Variants in DGKB observed in about 807,000 individuals in gnomAD.
The protein encoded by DGKB is diacylglycerol kinase beta.
Under a neutral mutation model 114.3 loss-of-function variants are expected in DGKB, and 67 were observed. The ratio of observed to expected loss-of-function variants is 0.59; its 90% confidence interval spans 0.48 to 0.72. The LOEUF is 0.72. Among genes scored for constraint, DGKB ranks in the 30% least tolerant of loss-of-function variants. The pLI, the probability that DGKB is intolerant of heterozygous loss-of-function variation, is 0.00. For synonymous variants in DGKB, 398 were observed against 323.1 expected (o/e 1.23, Z -2.49); for missense variants, 907 against 975.2 (o/e 0.93, Z 0.93).
intron 4 of DGKB, among the ~76,000 whole-genome samples, chr7:14,742,533 A>G (rs1832725071): frequency 6.6e-6 from 1 of 152,206 alleles, no homozygotes; most frequent in Admixed American, 6.5e-5. Context: ...TGGAAGTCAG[A>G]TACTAGGTTC....
chr7:14,747,261 T>A (rs555707570), intron 4 of DGKB, among the ~76,000 whole-genome samples: 2 of 148,584 alleles, frequency 1.3e-5, no homozygotes, highest in South Asian at 4.4e-4. Flanking sequence ...GGCCCAATCA[T>A]AGCTCACTGC....
intron 2 of DGKB, among the ~76,000 whole-genome samples, chr7:14,837,179 C>T (rs960834722): frequency 6.6e-6 from 1 of 152,180 alleles, no homozygotes; most frequent in Admixed American, 6.5e-5. Context: ...ATGGTAGGAT[C>T]AGTATTTAAA....
chr7:14,456,072 T>C (rs1316756137), intron 21 of DGKB, among the ~76,000 whole-genome samples: 2 of 151,960 alleles, frequency 1.3e-5, no homozygotes, highest in African/African-American at 4.8e-5. Context: ...ATGTGGAAAA[T>C]TCAACACGTA....
chr7:14,452,359 A>G (rs1831653942), intron 21 of DGKB, among the ~76,000 whole-genome samples: 1 of 152,112 alleles, frequency 6.6e-6, no homozygotes, highest in Non-Finnish European at 1.5e-5. Flanking sequence ...TATAAATTCC[A>G]AATTATTTGA....
In DGKB at chr7:14,194,184, A is replaced by C. The variant is rs186233804; in HGVS notation, c.2123-16033T>G. ...AAATAGAATTAACATGTGATCTAGCAATTCCACTACTGGATGTATAGCCAA... is the reference window on the plus strand; with the variant it reads ...AAATAGAATTAACATGTGATCTAGCCATTCCACTACTGGATGTATAGCCAA... On this transcript the variant is annotated intron_variant, in intron 23 of 25. Transcript: ENST00000402815. Among the ~76,000 whole-genome samples, 53 of 152,286 alleles carry C rather than the reference A, an allele frequency of 3.5e-4. No individual in the cohort carries two copies. The East Asian group carries it at 9.3e-3, about 27-fold the overall frequency.
At chr7:14,282,984 T>G (rs972275718) in intron 23 of DGKB, among the ~76,000 whole-genome samples, 1 of 151,878 alleles carries the variant, frequency 6.6e-6, no homozygotes, top group Non-Finnish European at 1.5e-5. Context: ...ACCACTCCTA[T>G]TCAACATAGT....
At chr7:14,968,876 G>A (rs13437681) in intron 1 of DGKB, among the ~76,000 whole-genome samples, 211 of 152,266 alleles carry the variant, frequency 1.4e-3, no homozygotes, top group African/African-American at 4.7e-3. Flanking sequence ...ATAATGTGAT[G>A]TATTTGTTTA....
At chr7:14,947,183 T>C (rs1785932298) in intron 1 of DGKB, among the ~76,000 whole-genome samples, 1 of 151,698 alleles carries the variant, frequency 6.6e-6, no homozygotes, top group Non-Finnish European at 1.5e-5. Context: ...TAAGTATCTT[T>C]ATAATGTTTC....
At chr7:14,730,372 C>T (rs1026095247) in intron 5 of DGKB, among the ~76,000 whole-genome samples, 2 of 152,138 alleles carry the variant, frequency 1.3e-5, no homozygotes, top group Non-Finnish European at 2.9e-5. Context: ...TTCCCAGTTG[C>T]ACACTCCAGG....
At chr7:14,358,355 T>G (rs184540937) in intron 21 of DGKB, among the ~76,000 whole-genome samples, 1 of 152,200 alleles carries the variant, frequency 6.6e-6, no homozygotes, top group Admixed American at 6.5e-5. Context: ...CAATCACCGA[T>G]ACCCTTTCTT....
chr7:14,865,567 G>A (rs959601501), intron 1 of DGKB, among the ~76,000 whole-genome samples: 3 of 152,120 alleles, frequency 2.0e-5, no homozygotes, highest in South Asian at 2.1e-4. Flanking sequence ...GCTATTCTCC[G>A]TTTGGCTTCC....
At chr7:14,969,577 A>T (rs1225084885) in intron 1 of DGKB, among the ~76,000 whole-genome samples, 1 of 152,168 alleles carries the variant, frequency 6.6e-6, no homozygotes, top group Non-Finnish European at 1.5e-5. Context: ...CAGCAGCATT[A>T]GATTCTCACA....
intron 20 of DGKB, among the ~76,000 whole-genome samples, chr7:14,515,092 C>G (rs1381871296): frequency 6.6e-6 from 1 of 152,100 alleles, no homozygotes; most frequent in Non-Finnish European, 1.5e-5. Flanking sequence ...ATCTCCAACT[C>G]AGAGCTGAGA....
intron 17 of DGKB, among the ~76,000 whole-genome samples, chr7:14,588,824 G>C (rs933486049): frequency 6.6e-6 from 1 of 151,986 alleles, no homozygotes; most frequent in Non-Finnish European, 1.5e-5. Flanking sequence ...TTTCCAGTAA[G>C]TCCATATCTC....
intron 23 of DGKB, among the ~76,000 whole-genome samples, chr7:14,206,153 T>C (rs1048633412): frequency 2.6e-4 from 40 of 152,054 alleles, no homozygotes; most frequent in Non-Finnish European, 5.9e-4. Context: ...CAGTCTATAC[T>C]AAGAAAGACT....
intron 1 of DGKB, among the ~76,000 whole-genome samples, chr7:14,883,494 ATAAATAT>A (rs1046284080): frequency 1.3e-5 from 2 of 151,988 alleles, no homozygotes; most frequent in African/African-American, 4.8e-5. Flanking sequence ...GCTTTTTAAA[ATAAATAT>A]TAAAGTGGGA....
At chr7:14,853,126 C>G (rs963162756) in intron 1 of DGKB, among the ~76,000 whole-genome samples, 1 of 152,058 alleles carries the variant, frequency 6.6e-6, no homozygotes, top group Non-Finnish European at 1.5e-5. Context: ...ACAAAATTGC[C>G]TAAGGAAAAT....
chr7:14,395,456 A>C (rs919895927), intron 21 of DGKB, among the ~76,000 whole-genome samples: 6 of 151,992 alleles, frequency 3.9e-5, no homozygotes, highest in African/African-American at 1.4e-4. Flanking sequence ...TCCAGAAGAA[A>C]TGTAACAAAA....
At chr7:14,694,957 T>A (rs999839560) in intron 8 of DGKB, among the ~76,000 whole-genome samples, 2 of 152,194 alleles carry the variant, frequency 1.3e-5, no homozygotes, top group African/African-American at 4.8e-5. Flanking sequence ...ACTTCCCATC[T>A]AATGGCGTCA....
Sources: allele counts gnomAD v4.1 joint callset (sites outside exome capture counted in the v4.1 genomes callset), GRCh38; gene constraint gnomAD v4.1.1; transcripts MANE v1.5; gene names NCBI Gene and HGNC (gene_info 2026-07-23, HGNC 2026-07-21).